TENM4: variants seen among roughly 807,000 people sequenced by gnomAD.
TENM4 encodes the protein teneurin-4.
TENM4 carries 82 observed loss-of-function variants against 243.3 expected under a neutral mutation model. The observed-to-expected ratio is 0.34, with a 90% confidence interval of 0.28 to 0.40. TENM4 has a LOEUF of 0.40. TENM4 is among the 10% of genes least tolerant of loss of function. The probability of loss-of-function intolerance (pLI) is 1.00; values close to 1 mark genes in which losing one functional copy is unlikely to be tolerated. For missense variants in TENM4, 3,138 were observed against 3,673.3 expected (o/e 0.85, Z 3.77); for synonymous variants, 1,412 against 1,456.3 (o/e 0.97, Z 0.69).
chr11:79,061,965 A>ATTTTT lies in TENM4; in HGVS notation c.493+2768_493+2772dup, dbSNP rs10647135. Among the ~76,000 whole-genome samples the ATTTTT allele has an allele frequency of 9.1e-3, 1,310 of 143,274 alleles. 31 individuals are homozygous for ATTTTT. Among genetic ancestry groups the ATTTTT allele is most frequent in the African/African-American group, 0.033 (1,265 of 38,514 alleles). 94.0% of individuals were successfully genotyped at this position (143,274 alleles called of 152,430 possible). A position where few individuals can be genotyped will look rare whatever the true frequency, so the allele number is the denominator to read the frequency against. ...TAGGTTGAGATAATCGGTGGCAACT[A>ATTTTT]TTTTTTTTTTTTTTTTGACAGAGTC... On this transcript the variant is annotated intron_variant, in intron 6 of 33. Coordinates refer to ENST00000278550, the MANE Select transcript of TENM4 (RefSeq NM_001098816.3).
intron 10 of TENM4, 101 bp from the exon 11 acceptor site, chr11:78,856,279 C>T: frequency 9.9e-7 from 1 of 1,009,332 alleles, no homozygotes; most frequent in Admixed American, 2.2e-5. Flanking sequence ...CTTAGCCTCA[C>T]ATCCTTCTCT....
chr11:78,893,441 C>A (rs558362866), intron 7 of TENM4, among the ~76,000 whole-genome samples: 1 of 152,328 alleles, frequency 6.6e-6, no homozygotes, highest in South Asian at 2.1e-4. Context: ...CTGCTCTCAA[C>A]CCTCCAATGG....
chr11:79,192,473 A>G (rs1382729082), intron 3 of TENM4, among the ~76,000 whole-genome samples: 1 of 152,084 alleles, frequency 6.6e-6, no homozygotes, highest in Non-Finnish European at 1.5e-5. Flanking sequence ...TTACCCCCCA[A>G]CCCTGTGCTC....
intron 6 of TENM4, among the ~76,000 whole-genome samples, chr11:78,912,183 G>C (rs1856203638): frequency 6.6e-6 from 1 of 152,208 alleles, no homozygotes; most frequent in Non-Finnish European, 1.5e-5. Context: ...GGACCACAAA[G>C]AGAGATGAGG....
At chr11:79,129,008 C>T (rs1025122948) in intron 4 of TENM4, among the ~76,000 whole-genome samples, 3 of 152,170 alleles carry the variant, frequency 2.0e-5, no homozygotes, top group African/African-American at 7.2e-5. Context: ...GCAGACAGCT[C>T]CTGCAGGACC....
intron 4 of TENM4, among the ~76,000 whole-genome samples, chr11:79,130,043 G>T (rs923243991): frequency 6.6e-6 from 1 of 152,166 alleles, no homozygotes; most frequent in East Asian, 1.9e-4. Flanking sequence ...GAGACCCATA[G>T]ATAGTTCATA....
chr11:78,878,290 G>A (rs1859324007), intron 9 of TENM4, among the ~76,000 whole-genome samples: 1 of 152,292 alleles, frequency 6.6e-6, no homozygotes, highest in Non-Finnish European at 1.5e-5. Flanking sequence ...AAGAAGCTGT[G>A]GCTATGATAC....
intron 1 of TENM4, among the ~76,000 whole-genome samples, chr11:79,416,128 A>G (rs1045004347): frequency 2.0e-5 from 3 of 152,200 alleles, no homozygotes; most frequent in Non-Finnish European, 4.4e-5. Context: ...CAATGTGTTT[A>G]TCCATTCACC....
At chr11:78,686,617 A>G (rs1035799780) in intron 29 of TENM4, among the ~76,000 whole-genome samples, 5 of 152,172 alleles carry the variant, frequency 3.3e-5, no homozygotes, top group African/African-American at 1.2e-4. Context: ...CCAGGTAGAT[A>G]GTGTTGGAAT....
intron 6 of TENM4, among the ~76,000 whole-genome samples, chr11:78,936,828 G>T (rs1211567289): frequency 3.6e-4 from 55 of 152,186 alleles, no homozygotes; most frequent in Non-Finnish European, 1.5e-5. Flanking sequence ...GAGAAGGTGG[G>T]TGGGGAAGGA....
chr11:79,289,218 C>A (rs560965492), intron 2 of TENM4, among the ~76,000 whole-genome samples: 3 of 152,174 alleles, frequency 2.0e-5, no homozygotes, highest in Non-Finnish European at 4.4e-5. Flanking sequence ...TGAAAAAATT[C>A]TGAGCCCTCA....
At chr11:78,746,964 C>T (rs1856065192) in intron 19 of TENM4, among the ~76,000 whole-genome samples, 1 of 152,058 alleles carries the variant, frequency 6.6e-6, no homozygotes, top group African/African-American at 2.4e-5. Context: ...TCCTGCTTCA[C>T]CAGGAAAGGG....
intron 9 of TENM4, among the ~76,000 whole-genome samples, chr11:78,870,745 C>A (rs1286459012): frequency 6.6e-6 from 1 of 152,070 alleles, no homozygotes; most frequent in Non-Finnish European, 1.5e-5. Flanking sequence ...TGGTCCCGAG[C>A]CAGAGGATCA....
intron 22 of TENM4, among the ~76,000 whole-genome samples, chr11:78,728,084 A>C (rs1029845615): frequency 5.3e-5 from 8 of 152,326 alleles, no homozygotes; most frequent in South Asian, 2.1e-4. Context: ...GGGCACTAGA[A>C]GTGCTCATTT....
intron 1 of TENM4, among the ~76,000 whole-genome samples, chr11:79,409,089 TGTGTGTGTGTGTGCGC>T (rs762471927): frequency 1.0e-3 from 124 of 118,108 alleles, no homozygotes; most frequent in Middle Eastern, 4.5e-3. Context: ...TGTGTGTGTG[TGTGTGTGTGTGTGCGC>T]GCGCGCGCGT....
intron 12 of TENM4, among the ~76,000 whole-genome samples, chr11:78,829,100 CTCTG>C (rs1330227164): frequency 2.0e-5 from 3 of 152,216 alleles, no homozygotes; most frequent in Admixed American, 6.5e-5. Context: ...ACTGCAGCCC[CTCTG>C]TCTGGCCAGC....
At chr11:79,430,209 GA>G (rs67750723) in intron 1 of TENM4, among the ~76,000 whole-genome samples, 56,414 of 146,592 alleles carry the variant, frequency 0.38, 10,982 homozygotes, top group African/African-American at 0.47. Context: ...AAAGAAAAAA[GA>G]AAAAAAAAAG....
At chr11:79,164,444 T>G (rs1472425107) in intron 3 of TENM4, among the ~76,000 whole-genome samples, 1 of 137,332 alleles carries the variant, frequency 7.3e-6, no homozygotes, top group African/African-American at 2.8e-5. Context: ...ATATGTACTA[T>G]ATAGTATATA....
intron 6 of TENM4, among the ~76,000 whole-genome samples, chr11:79,052,937 G>A (rs1481812877): frequency 6.6e-6 from 1 of 152,184 alleles, no homozygotes; most frequent in South Asian, 2.1e-4. Flanking sequence ...TGAGGCACTG[G>A]CAAGCATGGT....
Sources: allele counts gnomAD v4.1 joint callset (sites outside exome capture counted in the v4.1 genomes callset), GRCh38; gene constraint gnomAD v4.1.1; transcripts MANE v1.5; gene names NCBI Gene and HGNC (gene_info 2026-07-23, HGNC 2026-07-21).